MGST1: variants seen among roughly 807,000 people sequenced by gnomAD.
MGST1 encodes the protein microsomal glutathione S-transferase 1.
A neutral mutation model predicts 8.9 loss-of-function variants in MGST1; 5 were observed. The observed-to-expected ratio is 0.56, with a 90% confidence interval of 0.29 to 1.19. The LOEUF (loss-of-function observed/expected upper bound fraction) is 1.19, where lower values mean the gene tolerates loss of function less well. Ranked by LOEUF, MGST1 falls within the 50% of genes most tolerant of loss-of-function variation. MGST1 has a pLI of 0.08. For synonymous variants in MGST1, 54 were observed against 67.8 expected, an observed-to-expected ratio of 0.80 and a Z score of 1.00; for missense variants, 182 against 187.4, an observed-to-expected ratio of 0.97 and a Z score of 0.17.
At chr12:16,526,831 A>T (rs529623956) in intron 4 of MGST1, among the ~76,000 whole-genome samples, 13 of 152,090 alleles carry the variant, frequency 8.5e-5, no homozygotes, top group African/African-American at 3.1e-4. Flanking sequence ...GTGAGTCATG[A>T]TGGCTGTAAT....
exon 4 of MGST1, chr12:16,376,807 CAGATGATATAATATCATCTGTATATT>C: frequency 6.6e-6 from 1 of 151,864 alleles, no homozygotes; most frequent in South Asian, 2.1e-4. Context: ...CTCTGAAATA[CAGATGATATAATATCATCTGTATATT>C]AGATGATATT....
chr12:16,434,404 A>G (rs972555487), intron 1 of MGST1, among the ~76,000 whole-genome samples: 1 of 151,628 alleles, frequency 6.6e-6, no homozygotes, highest in Admixed American at 6.6e-5. Context: ...ATTATGTCTC[A>G]TTATAGTTCC....
chr12:16,348,619 C>A (rs1250313917), intron 1 of MGST1, among the ~76,000 whole-genome samples: 1 of 152,056 alleles, frequency 6.6e-6, no homozygotes, highest in Non-Finnish European at 1.5e-5. Flanking sequence ...TGCTGTATAG[C>A]ACCCAGGCCT....
exon 4 of MGST1, chr12:16,376,267 T>C: frequency 1.8e-6 from 1 of 567,286 alleles, no homozygotes; most frequent in Non-Finnish European, 3.1e-6. Context: ...CAACATCTAA[T>C]GAGTTAATGG....
At chr12:16,360,155 AATGCTT>A (rs1052855327) in intron 3 of MGST1, 2 of 159,930 alleles carry the variant, frequency 1.3e-5, no homozygotes, top group Non-Finnish European at 2.7e-5. Context: ...CCAGTTGTAT[AATGCTT>A]TTTGAGACAG....
chr12:16,550,604 C>T (rs1010914915), intron 4 of MGST1: 1 of 152,200 alleles, frequency 6.6e-6, no homozygotes, highest in African/African-American at 2.4e-5. Flanking sequence ...GGGGTTATAA[C>T]AAGAACACTG....
At position 16,482,335 on chromosome 12, in the gene MGST1, T is replaced by TA. The variant is rs925311280; in HGVS notation, n.482+98739dup. 2.6e-5 allele frequency among the ~76,000 whole-genome samples: 4 copies of TA among 151,746 alleles called. No individual in the cohort carries two copies. The highest frequency in any genetic ancestry group is 7.3e-5 in the African/African-American group (3 of 41,320). ...GAAAAGGAATGTTTGATCTGAAGTA[T>TA]AAAAAAAAGAGCAAGGGCCGGGTGC... On this transcript the variant is annotated intron_variant and non_coding_transcript_variant, in intron 4 of 4. Coordinates refer to the MGST1 transcript ENST00000538857. This position sits in a 1 kb window ranked among gnomAD's most constrained non-coding sequence, Gnocchi z 4.2.
At chr12:16,356,020 CAG>C (rs560456497) in intron 2 of MGST1, among the ~76,000 whole-genome samples, 49 of 149,752 alleles carry the variant, frequency 3.3e-4, no homozygotes, top group Admixed American at 4.7e-4. Flanking sequence ...TGGCAGAGCA[CAG>C]AGAGAGAGAG....
At chr12:16,454,647 A>G (rs1458500895) in intron 4 of MGST1, among the ~76,000 whole-genome samples, 1 of 151,848 alleles carries the variant, frequency 6.6e-6, no homozygotes, top group African/African-American at 2.4e-5. Flanking sequence ...TGTTTCACAT[A>G]TTTCATTTCT....
At chr12:16,581,997 T>C (rs535669387) in intron 4 of MGST1, among the ~76,000 whole-genome samples, 37 of 152,212 alleles carry the variant, frequency 2.4e-4, no homozygotes, top group African/African-American at 6.0e-4. Context: ...CGTTTTCTTA[T>C]CTTATTACAT....
At chr12:16,428,131 C>T (rs898319864) in intron 1 of MGST1, among the ~76,000 whole-genome samples, 1 of 151,906 alleles carries the variant, frequency 6.6e-6, no homozygotes, top group Admixed American at 6.5e-5. Flanking sequence ...AAGATGTCTT[C>T]AAATTTTGAT....
chr12:16,465,737 G>A (rs1941249294), intron 4 of MGST1, among the ~76,000 whole-genome samples: 2 of 152,144 alleles, frequency 1.3e-5, no homozygotes, highest in South Asian at 2.1e-4. Context: ...CACAATAAAT[G>A]TAATGCATTT....
intron 4 of MGST1, among the ~76,000 whole-genome samples, chr12:16,447,302 G>A (rs246849): frequency 0.025 from 3,749 of 151,924 alleles, 149 homozygotes; most frequent in African/African-American, 0.085. Flanking sequence ...GCTCTTTTGG[G>A]GGTATAGTGT....
At chr12:16,496,234 A>AT (rs1941469075) in intron 4 of MGST1, among the ~76,000 whole-genome samples, 1 of 152,056 alleles carries the variant, frequency 6.6e-6, no homozygotes, top group Non-Finnish European at 1.5e-5. Flanking sequence ...GTGGCAGAGA[A>AT]TTGGAGGCAA....
intron 4 of MGST1, among the ~76,000 whole-genome samples, chr12:16,561,494 A>G (rs1216407250): frequency 1.3e-5 from 2 of 152,130 alleles, no homozygotes; most frequent in South Asian, 4.1e-4. Flanking sequence ...AATGGCTCTC[A>G]TGGGAAAGAC....
At chr12:16,471,784 T>C (rs1189050384) in intron 4 of MGST1, among the ~76,000 whole-genome samples, 1 of 152,218 alleles carries the variant, frequency 6.6e-6, no homozygotes, top group African/African-American at 2.4e-5. Context: ...TACAAATTTT[T>C]ATCTTCCTTG....
Position 16,364,308 on chromosome 12 carries a change from C to CACACAACA in MGST1, c.*268_*275dup. On this transcript the variant is annotated 3_prime_UTR_variant, in exon 4 of 4. Transcript: ENST00000396210. The surrounding 1 kb of genome is among the most constrained non-coding windows in gnomAD (Gnocchi z 5.7). ...GGATCATGTTATGATTTGTAACATT[C>CACACAACA]ACACAACACCTCACTTTTGAATCTA... 9.0e-7 allele frequency: 1 copy of CACACAACA among 1,105,816 alleles called. No homozygotes were observed. The highest frequency in any genetic ancestry group is 1.1e-6 in the Non-Finnish European group (1 of 906,102). The allele number at this position is 1,105,816 out of a possible 1,614,324, so 68.5% of individuals were successfully genotyped here.
intron 4 of MGST1, among the ~76,000 whole-genome samples, chr12:16,479,259 G>A (rs1400296941): frequency 3.1e-5 from 2 of 64,770 alleles, no homozygotes; most frequent in Admixed American, 1.8e-4. Flanking sequence ...TTTTTTGACG[G>A]AGTCTCGCTC....
chr12:16,533,260 C>T (rs531763353), intron 4 of MGST1, among the ~76,000 whole-genome samples: 3 of 152,024 alleles, frequency 2.0e-5, no homozygotes, highest in Admixed American at 1.3e-4. Flanking sequence ...ATTCATGTGT[C>T]GGGGAAAATG....
Sources: gnomAD v4.1 joint callset for allele counts (sites outside exome capture counted in the v4.1 genomes callset) on GRCh38, gnomAD v4.1.1 for gene constraint, Gnocchi (gnomAD v3.1) non-coding constraint, MANE v1.5 for transcripts, NCBI Gene and HGNC (gene_info 2026-07-23, HGNC 2026-07-21) for gene names.